Variants in GNAO1 observed in about 807,000 individuals in gnomAD.
GNAO1 encodes guanine nucleotide-binding protein G(o) subunit alpha.
For missense variants in GNAO1, 166 were observed against 478.7 expected (o/e 0.35, Z 6.10); for synonymous variants, 164 against 180.7 (o/e 0.91, Z 0.74).
chr16:56,304,245 T>G (rs1434694439), intron 3 of GNAO1, among the ~76,000 whole-genome samples: 1 of 152,212 alleles, frequency 6.6e-6, no homozygotes, highest in Non-Finnish European at 1.5e-5. Context: ...TGCGTCTGCT[T>G]TTCTTGATCC....
chr16:56,308,461 G>C (rs2037418586), intron 3 of GNAO1: 1 of 152,236 alleles, frequency 6.6e-6, no homozygotes, highest in Admixed American at 6.5e-5. Flanking sequence ...TGCGATGCTG[G>C]AGCCTTGGAT....
chr16:56,350,115 G>C (rs1390183239), intron 6 of GNAO1, among the ~76,000 whole-genome samples: 1 of 152,132 alleles, frequency 6.6e-6, no homozygotes, highest in African/African-American at 2.4e-5. Context: ...TCAGAGGGGG[G>C]CGGTGTGGCA....
intron 2 of GNAO1, among the ~76,000 whole-genome samples, chr16:56,240,780 G>A (rs903784244): frequency 5.3e-5 from 8 of 152,138 alleles, no homozygotes; most frequent in Admixed American, 2.0e-4. Flanking sequence ...ATGAGCTATA[G>A]AGCAGGCTGG....
chr16:56,195,414 T>G lies in GNAO1; in HGVS notation c.161+2798T>G, dbSNP rs72814428. Among the ~76,000 whole-genome samples the G allele has an allele frequency of 1.3e-3, 202 of 152,356 alleles. 1 individual carries two copies. Among genetic ancestry groups the G allele is most frequent in the Non-Finnish European group, 2.6e-3 (175 of 68,030 alleles). On this transcript the variant is annotated intron_variant, in intron 2 of 8. Transcript: ENST00000262493. ...ACAAAATGTGGGATTGGTGTCACTG[T>G]ATCCTAGTAACAAATTTTTTTGAGT...
At chr16:56,223,218 A>G (rs185834676) in intron 2 of GNAO1, among the ~76,000 whole-genome samples, 144 of 152,268 alleles carry the variant, frequency 9.5e-4, no homozygotes, top group Admixed American at 1.6e-3. Context: ...GCAGAATTCA[A>G]TGCCTGCCGT....
chr16:56,253,942 G>A (rs753244263), intron 2 of GNAO1, among the ~76,000 whole-genome samples: 10 of 152,136 alleles, frequency 6.6e-5, no homozygotes, highest in Non-Finnish European at 8.8e-5. Context: ...CAGTGTACAC[G>A]GGGCATTTTT....
chr16:56,252,257 G>A (rs1262618827), intron 2 of GNAO1, among the ~76,000 whole-genome samples: 5 of 152,210 alleles, frequency 3.3e-5, no homozygotes, highest in Non-Finnish European at 7.3e-5. Context: ...AGTACAAGGT[G>A]GGATGGCCCC....
intron 3 of GNAO1, among the ~76,000 whole-genome samples, chr16:56,293,751 G>A (rs1436576043): frequency 1.3e-5 from 2 of 152,144 alleles, no homozygotes; most frequent in African/African-American, 2.4e-5. Context: ...CCTGATATCA[G>A]GTTGGGGAAA....
rs573661082 is a variant in GNAO1, at chr16:56,202,112, G to A, written c.161+9496G>A. Among the ~76,000 whole-genome samples, 8 of 152,250 alleles carry A rather than the reference G, an allele frequency of 5.3e-5. No homozygotes were observed. In the East Asian group the frequency reaches 1.5e-3, roughly 29 times the overall value. On this transcript the variant is annotated intron_variant, in intron 2 of 8. Coordinates refer to ENST00000262493, the MANE Select transcript of GNAO1 (RefSeq NM_020988.3). Reference sequence around the variant, plus strand: ...CCTGTGAGGGAAACTGAGAAGGGGTGATCTGAGAAATGAAAAAGAAAACCC... The same window carrying A: ...CCTGTGAGGGAAACTGAGAAGGGGTAATCTGAGAAATGAAAAAGAAAACCC...
chr16:56,192,879 A>G (rs1382146209), intron 2 of GNAO1: 3 of 510,044 alleles, frequency 5.9e-6, no homozygotes, highest in East Asian at 6.6e-5. Flanking sequence ...AGTGTCCGCC[A>G]TATTGATCAG....
intron 2 of GNAO1, among the ~76,000 whole-genome samples, chr16:56,259,055 T>G (rs1238977486): frequency 6.6e-6 from 1 of 152,188 alleles, no homozygotes; most frequent in Non-Finnish European, 1.5e-5. Flanking sequence ...CTGAAGAGCC[T>G]TAGGGACATT....
At chr16:56,286,004 G>A (rs1377442796) in intron 3 of GNAO1, among the ~76,000 whole-genome samples, 1 of 152,220 alleles carries the variant, frequency 6.6e-6, no homozygotes, top group African/African-American at 2.4e-5. Flanking sequence ...TGAAGGAAGA[G>A]GCGCCAGGGA....
chr16:56,353,701 G>A (rs772583133), intron 7 of GNAO1, among the ~76,000 whole-genome samples: 2 of 152,220 alleles, frequency 1.3e-5, no homozygotes, highest in Non-Finnish European at 2.9e-5. Flanking sequence ...CAGACAGGAA[G>A]CTCCTGGGCA....
At chr16:56,303,113 G>T (rs527349164) in intron 3 of GNAO1, among the ~76,000 whole-genome samples, 6 of 152,302 alleles carry the variant, frequency 3.9e-5, no homozygotes, top group Admixed American at 1.3e-4. Flanking sequence ...GAGAAGGGTC[G>T]CAGGATTCCT....
chr16:56,346,383 C>T (rs2037870093), intron 6 of GNAO1: 6 of 985,290 alleles, frequency 6.1e-6, no homozygotes, highest in Non-Finnish European at 6.0e-6. Context: ...GTAACCTCTC[C>T]GATGGCTCGG....
At chr16:56,206,136 C>A (rs771830975) in intron 2 of GNAO1, among the ~76,000 whole-genome samples, 35 of 151,886 alleles carry the variant, frequency 2.3e-4, no homozygotes, top group African/African-American at 7.0e-4. Flanking sequence ...CTGGATAACA[C>A]GGTGAAACCT....
intron 8 of GNAO1, chr16:56,355,789 G>A (rs1325517162): frequency 6.6e-6 from 1 of 152,240 alleles, no homozygotes; most frequent in Non-Finnish European, 1.5e-5. Context: ...GACAGGAGGG[G>A]ACTCAAGTTC....
At chr16:56,297,466 G>T (rs765681124) in intron 3 of GNAO1, among the ~76,000 whole-genome samples, 4 of 151,514 alleles carry the variant, frequency 2.6e-5, no homozygotes, top group African/African-American at 9.7e-5. Flanking sequence ...TTTTCTGTGC[G>T]CACAGCCACC....
intron 2 of GNAO1, among the ~76,000 whole-genome samples, chr16:56,216,301 G>T (rs1163972526): frequency 5.9e-5 from 9 of 152,172 alleles, no homozygotes; most frequent in African/African-American, 2.2e-4. Context: ...GAAGTCCCAG[G>T]GAATTAAGCA....
Sources: gnomAD v4.1 joint callset for allele counts (sites outside exome capture counted in the v4.1 genomes callset) on GRCh38, gnomAD v4.1.1 for gene constraint, MANE v1.5 for transcripts, NCBI Gene and HGNC (gene_info 2026-07-23, HGNC 2026-07-21) for gene names.